Variants in PSD3 observed in about 807,000 individuals in gnomAD.
The protein encoded by PSD3 is pleckstrin and Sec7 domain containing 3.
PSD3 carries 49 observed loss-of-function variants against 105.5 expected under a neutral mutation model. The observed-to-expected ratio is 0.46, with a 90% CI of 0.37 to 0.59. The LOEUF is 0.59. Ranked by LOEUF, PSD3 falls within the 20% of genes least tolerant of loss-of-function variation. The pLI is 0.00. For missense variants in PSD3, 1,561 were observed against 1,263.8 expected (o/e 1.24, Z -3.57); for synonymous variants, 557 against 457.8 (o/e 1.22, Z -2.77).
At chr8:18,577,963 T>C (rs572624810) in intron 12 of PSD3, among the ~76,000 whole-genome samples, 3 of 152,212 alleles carry the variant, frequency 2.0e-5, no homozygotes, top group Non-Finnish European at 2.9e-5. Flanking sequence ...TACTGTTTTA[T>C]TCTTATCCTC....
At chr8:19,058,224 T>C (rs1828774454) in intron 1 of PSD3, among the ~76,000 whole-genome samples, 1 of 152,118 alleles carries the variant, frequency 6.6e-6, no homozygotes, top group South Asian at 2.1e-4. Flanking sequence ...TTTGTTTTGA[T>C]ATTCTTGAAA....
intron 9 of PSD3, among the ~76,000 whole-genome samples, chr8:18,667,756 G>A (rs924901418): frequency 6.6e-6 from 1 of 152,174 alleles, no homozygotes; most frequent in African/African-American, 2.4e-5. Flanking sequence ...AGGCTCAGGC[G>A]GGGCAAGGAG....
chr8:18,589,541 A>G (rs970345923), intron 12 of PSD3, among the ~76,000 whole-genome samples: 1 of 152,208 alleles, frequency 6.6e-6, no homozygotes, highest in East Asian at 1.9e-4. Context: ...GTCCTTCCTA[A>G]TTTGGACACT....
At chr8:18,556,389 A>AT (rs1563318614) in intron 14 of PSD3, 37 bp from the exon 15 acceptor site, 1 of 1,590,132 alleles carries the variant, frequency 6.3e-7, no homozygotes, top group African/African-American at 1.4e-5. Flanking sequence ...CGTTCAAAAA[A>AT]AAAACAAGTC....
At position 18,871,735 on chromosome 8, in the gene PSD3, C is replaced by G. The variant is rs1226247492; in HGVS notation, c.1129G>C (p.Gly377Arg). ...TCAAGACGCACAGGGGAAAATGTCC[C>G]CGAGCTAGTGCCAGGCCTCTCTGAA... is the stretch of plus-strand genomic sequence containing the variant. ...APSERPGTSSGTFSPVRLDES... is the reference protein window; with the variant it reads ...APSERPGTSSRTFSPVRLDES... The change falls in exon 3 of 16, where the codon GGG becomes CGG. Residue 377 changes from glycine to arginine, a missense_variant. Gly to Arg is a moderately radical substitution (Grantham distance 125). Coordinates refer to ENST00000327040, the MANE Select transcript of PSD3 (RefSeq NM_015310.4). 6.2e-7 allele frequency: 1 copy of G among 1,614,138 alleles called. No individual in the cohort carries two copies. The highest frequency in any genetic ancestry group is 1.7e-5 in the Admixed American group (1 of 60,020).
At chr8:18,883,936 C>T (rs1164707106) in intron 2 of PSD3, among the ~76,000 whole-genome samples, 2 of 152,092 alleles carry the variant, frequency 1.3e-5, no homozygotes, top group African/African-American at 4.8e-5. Context: ...CTAATGAATA[C>T]CAGTTAGTAA....
intron 9 of PSD3, among the ~76,000 whole-genome samples, chr8:18,710,234 A>G (rs771916974): frequency 9.2e-5 from 14 of 152,094 alleles, no homozygotes; most frequent in Non-Finnish European, 2.9e-5. Flanking sequence ...CATGTGGAGG[A>G]GAGAATCTCA....
At chr8:18,801,444 A>T (rs1810677046) in intron 6 of PSD3, 62 bp from the exon 7 acceptor site, 2 of 870,966 alleles carry the variant, frequency 2.3e-6, no homozygotes, top group South Asian at 1.5e-5. Flanking sequence ...ACTCTTTCAT[A>T]GTTAAAAGTC....
At position 18,531,023 on chromosome 8, in the gene PSD3, T is replaced by C. The variant is rs542220219; in HGVS notation, c.*4720A>G. 9.9e-5 allele frequency: 15 copies of C among 152,250 alleles called. No individual in the cohort carries two copies. Among genetic ancestry groups the C allele is most frequent in the Admixed American group, 7.8e-4 (12 of 15,294 alleles). The allele number at this position is 152,250 out of a possible 1,614,324, so 9.4% of individuals were successfully genotyped here. On this transcript the variant is annotated 3_prime_UTR_variant, in exon 16 of 16. Transcript: ENST00000327040. ...ACATGTACCATACACTGATATGCAA[T>C]CTACACACTGATGCATTTACATACA... is the stretch of plus-strand genomic sequence containing the variant.
intron 15 of PSD3, among the ~76,000 whole-genome samples, chr8:18,536,251 C>T (rs1386849158): frequency 6.6e-6 from 1 of 152,214 alleles, no homozygotes; most frequent in Non-Finnish European, 1.5e-5. Flanking sequence ...GAATCTAGAA[C>T]ACTCAGGCAT....
At chr8:18,594,956 G>C (rs966912887) in intron 12 of PSD3, among the ~76,000 whole-genome samples, 6 of 152,010 alleles carry the variant, frequency 3.9e-5, no homozygotes, top group African/African-American at 1.4e-4. Context: ...CTGATATGCA[G>C]TGCTGAGCAT....
At chr8:19,013,980 C>T (rs1298098964), upstream of PSD3, 2 of 152,454 alleles carry the variant, frequency 1.3e-5, no homozygotes, top group African/African-American at 4.8e-5. Flanking sequence ...CAGTGCAGCC[C>T]TCGAGCGGCC....
chr8:19,067,713 A>G (rs1586688041), intron 1 of PSD3, among the ~76,000 whole-genome samples: 2 of 152,150 alleles, frequency 1.3e-5, no homozygotes, highest in East Asian at 3.9e-4. Flanking sequence ...GCAGGGGTCA[A>G]TGAAGCAGGC....
At chr8:18,900,658 T>A (rs1819447502) in intron 2 of PSD3, among the ~76,000 whole-genome samples, 1 of 149,898 alleles carries the variant, frequency 6.7e-6, no homozygotes, top group South Asian at 2.1e-4. Context: ...TTTTTTTTTT[T>A]TTTTTTTTGG....
At chr8:18,754,388 T>G (rs1805857361) in intron 9 of PSD3, among the ~76,000 whole-genome samples, 1 of 152,142 alleles carries the variant, frequency 6.6e-6, no homozygotes, top group Non-Finnish European at 1.5e-5. Context: ...CATCTCAAAA[T>G]TAATAAATGA....
chr8:18,572,438 A>C, intron 14 of PSD3, 90 bp downstream of exon 14: 1 of 1,496,438 alleles, frequency 6.7e-7, no homozygotes, highest in Admixed American at 1.9e-5. Flanking sequence ...CCTGCCCCCA[A>C]AACATGGACT....
At chr8:18,752,601 T>TTATATATATTATATATTATATATA (rs1805671243) in intron 9 of PSD3, among the ~76,000 whole-genome samples, 2 of 83,626 alleles carry the variant, frequency 2.4e-5, no homozygotes, top group Admixed American at 4.5e-4. Context: ...TATTATATAT[T>TTATATATATTATATATTATATATA]ATATATAATA....
chr8:18,600,872 C>T (rs931012220), intron 11 of PSD3, among the ~76,000 whole-genome samples: 3 of 152,162 alleles, frequency 2.0e-5, no homozygotes, highest in East Asian at 1.9e-4. Flanking sequence ...CTAGAAATCA[C>T]GAAGTAGTCT....
chr8:18,551,325 T>A (rs1800757621), intron 15 of PSD3, among the ~76,000 whole-genome samples: 1 of 152,162 alleles, frequency 6.6e-6, no homozygotes, highest in Non-Finnish European at 1.5e-5. Context: ...AACAGTAAAA[T>A]GAAAGGTTTA....
Sources: allele counts gnomAD v4.1 joint callset (sites outside exome capture counted in the v4.1 genomes callset), GRCh38; gene constraint gnomAD v4.1.1; transcripts MANE v1.5; gene names NCBI Gene and HGNC (gene_info 2026-07-23, HGNC 2026-07-21).